The following MGAM variants were observed in gnomAD, a reference collection of about 807,000 sequenced individuals.
MGAM encodes the protein alpha-1,4-glucosidase.
A neutral mutation model predicts 358.8 loss-of-function variants in MGAM; 253 were observed. The ratio of observed to expected loss-of-function variants is 0.71; its 90% CI spans 0.64 to 0.78. MGAM has a LOEUF of 0.78. Ranked by LOEUF, MGAM falls within the 30% of genes least tolerant of loss-of-function variation. The probability of loss-of-function intolerance (pLI) is 0.00; values close to 1 mark genes in which losing one functional copy is unlikely to be tolerated. For missense variants in MGAM, 3,080 were observed against 3,432.6 expected, an observed-to-expected ratio of 0.90 and a Z score of 2.57; for synonymous variants, 1,105 against 1,227.1, an observed-to-expected ratio of 0.90 and a Z score of 2.08.
intron 2 of MGAM, among the ~76,000 whole-genome samples, chr7:141,990,379 T>G (rs1053770435): frequency 1.3e-5 from 2 of 152,172 alleles, no homozygotes; most frequent in East Asian, 3.9e-4. Context: ...CTTGGAGGTG[T>G]GGGGAGAAGT....
In MGAM at chr7:142,095,472, G is replaced by A. The variant is rs113522318; in HGVS notation, c.7459-93G>A. Reference sequence around the variant, plus strand: ...GTAGTTTTCTTTTGTTTAGCTGTGAGTGATCTTCAATTGGAGTATGCTTTC... The same window carrying A: ...GTAGTTTTCTTTTGTTTAGCTGTGAATGATCTTCAATTGGAGTATGCTTTC... On this transcript the variant is annotated intron_variant, in intron 63 of 70. Transcript: ENST00000475668. 5,330 of 1,560,798 alleles carry A rather than the reference G, an allele frequency of 3.4e-3. 126 individuals carry two copies. In the African/African-American group the frequency reaches 0.062, roughly 18 times the overall value.
chr7:141,999,865 C>T (rs1239423927), intron 1 of MGAM, among the ~76,000 whole-genome samples: 21 of 152,028 alleles, frequency 1.4e-4, no homozygotes, highest in African/African-American at 4.3e-4. Flanking sequence ...ATCAAGAGTT[C>T]TATAATGCAG....
rs937026914 is a variant in MGAM at position 142,070,562 on chromosome 7, C to A, written c.5062-432C>A. 2.1e-5 allele frequency among the ~76,000 whole-genome samples: 3 copies of A among 145,794 alleles called. 1 individual carries two copies. Among genetic ancestry groups the A allele is most frequent in the Non-Finnish European group, 4.7e-5 (3 of 64,434 alleles). On this transcript the variant is annotated intron_variant, in intron 43 of 70. Transcript: ENST00000475668. ...ACAGGCTGGGGGTGAGGAGGCTATG[C>A]GGCTGACATCTGAGGATTCTGCTAA... is the stretch of plus-strand genomic sequence containing the variant.
chr7:141,998,864 C>G (rs969214100), intron 1 of MGAM, among the ~76,000 whole-genome samples: 2 of 152,146 alleles, frequency 1.3e-5, no homozygotes, highest in South Asian at 2.1e-4. Flanking sequence ...CTAATTTACA[C>G]TCCCAACAGT....
rs181566962 is a variant in MGAM at position 142,084,998 on chromosome 7, T to C, written c.6507+354T>C. On this transcript the variant is annotated intron_variant, in intron 54 of 70. Coordinates refer to ENST00000475668, the MANE Select transcript of MGAM (RefSeq NM_001365693.1). ...AATATCCACAGTTCTTTTACTTAAT[T>C]CCTGAAAAAAACTAACCCCAAACCA... Among the ~76,000 whole-genome samples, 311 of 146,590 alleles carry C rather than the reference T, an allele frequency of 2.1e-3. 14 individuals carry two copies. Among genetic ancestry groups the C allele is most frequent in the African/African-American group, 7.1e-3 (294 of 41,234 alleles).
At chr7:142,005,895 A>G (rs1386339321) in intron 2 of MGAM, among the ~76,000 whole-genome samples, 1 of 152,070 alleles carries the variant, frequency 6.6e-6, no homozygotes, top group Non-Finnish European at 1.5e-5. Flanking sequence ...CTTTTTAAAA[A>G]TATTTGCCAA....
chr7:142,022,388 T>C lies in MGAM; in HGVS notation c.831T>C (p.Asp277=). 1.2e-6 allele frequency: 2 copies of C among 1,613,772 alleles called. No homozygotes were observed. The highest frequency in any genetic ancestry group is 8.5e-7 in the Non-Finnish European group (1 of 1,179,734). Residue 277 remains aspartate (D), a synonymous_variant, in exon 7 of 71, where the codon GAT becomes GAC. Transcript: ENST00000475668. Reference sequence around the variant, plus strand: ...ATGTGCACCAGCAGTATCGGCATGATATGAATTGGAAGACCTGGCCCATAT... The same window carrying C: ...ATGTGCACCAGCAGTATCGGCATGACATGAATTGGAAGACCTGGCCCATAT... ...GEHVHQQYRH[D]MNWKTWPIFN... is the part of the protein sequence containing the mutation.
rs1235483453 is a variant in MGAM, at chr7:142,042,675, A to G, written c.2498+1829A>G. On this transcript the variant is annotated intron_variant, in intron 21 of 70. Coordinates refer to ENST00000475668, the MANE Select transcript of MGAM (RefSeq NM_001365693.1). ...ATATTATATATACATATTATATATA[A>G]TATATAATATATATTATGTATAATA... Among the ~76,000 whole-genome samples, 23 of 30,178 alleles carry G rather than the reference A, an allele frequency of 7.6e-4. 3 individuals are homozygous for G. The highest frequency in any genetic ancestry group is 2.5e-3 in the African/African-American group (22 of 8,906). The allele number at this position is 30,178 out of a possible 152,430, so 19.8% of individuals were successfully genotyped here.
chr7:141,989,415 T>C (rs1194859247), intron 2 of MGAM, among the ~76,000 whole-genome samples: 3 of 152,180 alleles, frequency 2.0e-5, no homozygotes, highest in Non-Finnish European at 2.9e-5. Context: ...GAAGTACTCA[T>C]GATCATCCCT....
At chr7:142,104,073 C>T (rs987974503) in intron 70 of MGAM, among the ~76,000 whole-genome samples, 2 of 152,050 alleles carry the variant, frequency 1.3e-5, no homozygotes, top group East Asian at 3.9e-4. Context: ...AGGATGGTCT[C>T]GATCTCCTGA....
chr7:142,069,752 C>T lies in MGAM; in HGVS notation c.5061+1049C>T, dbSNP rs183068776. Among the ~76,000 whole-genome samples, 115 of 145,720 alleles carry T rather than the reference C, an allele frequency of 7.9e-4. 6 individuals carry two copies. Among genetic ancestry groups the T allele is most frequent in the African/African-American group, 2.6e-3 (105 of 41,150 alleles). ...CTCTGCTATGTGTGTCCCAGCCAGG[C>T]GTTTCCCAGGAAGAGGTGGCCAGCT... is the stretch of plus-strand genomic sequence containing the variant. On this transcript the variant is annotated intron_variant, in intron 43 of 70. Transcript: ENST00000475668.
intron 21 of MGAM, among the ~76,000 whole-genome samples, chr7:142,046,059 AATATAAT>A (rs1007382917): frequency 7.3e-6 from 1 of 137,304 alleles, no homozygotes; most frequent in Non-Finnish European, 1.6e-5. Flanking sequence ...TACAATATGT[AATATAAT>A]ATATAATATA....
At chr7:142,064,207 A>G (rs1418380110) in intron 36 of MGAM, among the ~76,000 whole-genome samples, 177 bp from the exon 37 acceptor site, 3 of 152,192 alleles carry the variant, frequency 2.0e-5, no homozygotes, top group African/African-American at 7.2e-5. Flanking sequence ...TTGGAAACAC[A>G]GCAGGCGCCA....
Position 142,103,398 on chromosome 7 carries a change from A to AT in MGAM, c.8144dup (p.Met2715IlefsTer10). ...CAGTGTCAGCATCTCTGTGAGTGGC[A>AT]TGGTCATAACACCCTCCTTCAACAA... On this transcript the variant is annotated frameshift_variant, in exon 70 of 71. Transcript: ENST00000475668. LOFTEE classifies it high-confidence loss of function. The AT allele has an allele frequency of 8.7e-6, 14 of 1,612,090 alleles. No homozygotes were observed. Among genetic ancestry groups the AT allele is most frequent in the Non-Finnish European group, 1.1e-5 (13 of 1,179,240 alleles).
intron 70 of MGAM, 116 bp downstream of exon 70, chr7:142,103,555 C>G (rs1049194999): frequency 9.6e-7 from 1 of 1,046,934 alleles, no homozygotes; most frequent in African/African-American, 1.6e-5. Context: ...CCGGGAATCC[C>G]TGAGTTTTCC....
chr7:142,006,503 G>A (rs1296072514), intron 2 of MGAM, among the ~76,000 whole-genome samples: 1 of 152,090 alleles, frequency 6.6e-6, no homozygotes, highest in Non-Finnish European at 1.5e-5. Context: ...CCAAAAAACC[G>A]TTATGTGACC....
intron 22 of MGAM, among the ~76,000 whole-genome samples, chr7:142,048,638 A>G (rs1222211313): frequency 6.8e-6 from 1 of 146,264 alleles, no homozygotes; most frequent in Non-Finnish European, 1.5e-5. Context: ...TATACTAACA[A>G]TTCCTGTGCT....
chr7:142,028,516 G>A (rs2068065), intron 10 of MGAM, among the ~76,000 whole-genome samples: 10,664 of 152,108 alleles, frequency 0.07, 1,042 homozygotes, highest in African/African-American at 0.22. Flanking sequence ...ATTGATGACA[G>A]AACAAATACT....
At chr7:142,042,728 A>C (rs1413502659) in intron 21 of MGAM, among the ~76,000 whole-genome samples, 22 of 73,674 alleles carry the variant, frequency 3.0e-4, no homozygotes, top group Non-Finnish European at 4.8e-4. Flanking sequence ...CATATATTAT[A>C]TATACATATA....
Sources: allele counts gnomAD v4.1 joint callset (sites outside exome capture counted in the v4.1 genomes callset), GRCh38; gene constraint gnomAD v4.1.1; transcripts MANE v1.5; gene names NCBI Gene and HGNC (gene_info 2026-07-23, HGNC 2026-07-21).